The following MED13L variants were observed in gnomAD, a reference collection of about 807,000 sequenced individuals.
MED13L encodes mediator complex subunit 13L.
A neutral mutation model predicts 220.9 loss-of-function variants in MED13L; 7 were observed. The ratio of observed to expected loss-of-function variants is 0.03; its 90% CI spans 0.02 to 0.06. The LOEUF is 0.06. MED13L is among the 10% of genes least tolerant of loss of function. The pLI is 1.00. For missense variants in MED13L, 1,965 were observed against 2,760.5 expected, an observed-to-expected ratio of 0.71 and a Z score of 6.46; for synonymous variants, 1,011 against 1,015.2, an observed-to-expected ratio of 1.00 and a Z score of 0.08.
At chr12:116,120,361 T>C (rs947277786) in intron 2 of MED13L, among the ~76,000 whole-genome samples, 3 of 152,066 alleles carry the variant, frequency 2.0e-5, no homozygotes, top group African/African-American at 4.8e-5. Context: ...CTAAAATTAA[T>C]GTGTTCTAGT....
At chr12:116,276,636 C>CAGCT in intron 1 of MED13L, 1 of 1,195,656 alleles carries the variant, frequency 8.4e-7, no homozygotes, top group South Asian at 1.5e-5. Flanking sequence ...GGCGGGCAGG[C>CAGCT]AGCTGATCCA....
In MED13L at chr12:115,983,346, T is replaced by G; in HGVS notation, c.4726A>C (p.Ser1576Arg). ...ACAGAGGAACCAGATGCAGAACTAC[T>G]TGCTGCAGGATTTGTAGAACTACTA... ...SNSSSTNPAA[S>R]SSASGSSVPP... Residue 1576 changes from serine to arginine, a missense_variant, in exon 21 of 31, where the codon AGT becomes CGT. Around this residue, in one of 10 missense-constraint regions of MED13L, gnomAD observed 510 missense variants for 620.4 expected, o/e 0.82. Coordinates refer to ENST00000281928, the MANE Select transcript of MED13L (RefSeq NM_015335.5). 6.2e-7 allele frequency: 1 copy of G among 1,614,178 alleles called. No individual in the cohort carries two copies. The highest frequency in any genetic ancestry group is 2.2e-5 in the East Asian group (1 of 44,878).
intron 2 of MED13L, among the ~76,000 whole-genome samples, chr12:116,224,641 C>T (rs1186390627): frequency 6.6e-6 from 1 of 152,090 alleles, no homozygotes; most frequent in Non-Finnish European, 1.5e-5. Context: ...ACAATGGTAA[C>T]ACCTTACCGT....
intron 2 of MED13L, among the ~76,000 whole-genome samples, chr12:116,130,382 A>G (rs943229711): frequency 6.6e-6 from 1 of 152,218 alleles, no homozygotes; most frequent in Non-Finnish European, 1.5e-5. Context: ...TAGGAGGGGA[A>G]AGAAAAGCTG....
rs1240176016 is a variant in MED13L, at chr12:116,048,038, T to G, written c.480-25437A>C. On this transcript the variant is annotated intron_variant, in intron 4 of 30. Transcript: ENST00000281928. ...CAAAGATCAAAGATATATGTTACTTTTTTTTTTTTTGAGACAAGTTGAAAA... is the reference window on the plus strand; with the variant it reads ...CAAAGATCAAAGATATATGTTACTTGTTTTTTTTTTGAGACAAGTTGAAAA... Among the ~76,000 whole-genome samples the G allele has an allele frequency of 5.9e-5, 9 of 151,686 alleles. No individual in the cohort carries two copies. The East Asian group carries it at 1.7e-3, about 29-fold the overall frequency.
At chr12:116,141,519 A>T (rs1210314024) in intron 2 of MED13L, among the ~76,000 whole-genome samples, 1 of 152,202 alleles carries the variant, frequency 6.6e-6, no homozygotes, top group Non-Finnish European at 1.5e-5. Flanking sequence ...GAGCAGTGCC[A>T]AAGTGTTGGC....
At chr12:116,087,106 A>C (rs1339216776) in intron 4 of MED13L, among the ~76,000 whole-genome samples, 2 of 152,228 alleles carry the variant, frequency 1.3e-5, no homozygotes, top group Non-Finnish European at 2.9e-5. Flanking sequence ...ACAAGAAATT[A>C]CCAACATCAT....
At chr12:116,051,123 GATT>G (rs1217387809) in intron 4 of MED13L, among the ~76,000 whole-genome samples, 3 of 151,946 alleles carry the variant, frequency 2.0e-5, no homozygotes, top group Non-Finnish European at 2.9e-5. Flanking sequence ...GTTGTTTATA[GATT>G]ATCATACATC....
intron 4 of MED13L, among the ~76,000 whole-genome samples, chr12:116,047,251 G>A (rs1881895195): frequency 6.6e-6 from 1 of 152,156 alleles, no homozygotes; most frequent in South Asian, 2.1e-4. Flanking sequence ...CTACTTGGGA[G>A]GCTGAGGTGA....
intron 2 of MED13L, among the ~76,000 whole-genome samples, chr12:116,162,828 A>T (rs2138143765): frequency 6.6e-6 from 1 of 152,348 alleles, no homozygotes; most frequent in East Asian, 1.9e-4. Flanking sequence ...ACTACGTCTT[A>T]ACATTTTAAA....
At chr12:116,017,895 C>A (rs557218581) in intron 7 of MED13L, among the ~76,000 whole-genome samples, 1 of 151,998 alleles carries the variant, frequency 6.6e-6, no homozygotes, top group African/African-American at 2.4e-5. Flanking sequence ...GGATTACAGG[C>A]ATGAGCCATC....
chr12:116,121,618 C>G (rs552360673), intron 2 of MED13L, among the ~76,000 whole-genome samples: 1 of 152,090 alleles, frequency 6.6e-6, no homozygotes, highest in Non-Finnish European at 1.5e-5. Flanking sequence ...GGTCACCCAG[C>G]CTTACACAGT....
intron 1 of MED13L, among the ~76,000 whole-genome samples, chr12:116,275,918 T>C (rs904283867): frequency 2.6e-5 from 4 of 152,248 alleles, no homozygotes; most frequent in African/African-American, 9.6e-5. Flanking sequence ...CCTGGGCACA[T>C]AGCTATACAT....
At chr12:116,104,470 A>T (rs1393323199) in intron 3 of MED13L, among the ~76,000 whole-genome samples, 1 of 152,164 alleles carries the variant, frequency 6.6e-6, no homozygotes, top group Non-Finnish European at 1.5e-5. Context: ...AAATATCTTA[A>T]CTCTAAACAC....
At chr12:116,084,263 C>T (rs887019361) in intron 4 of MED13L, among the ~76,000 whole-genome samples, 6 of 152,138 alleles carry the variant, frequency 3.9e-5, no homozygotes, top group African/African-American at 1.4e-4. Flanking sequence ...CCTTTTTGAA[C>T]CTACAAAACA....
chr12:116,096,354 CAAAAAAAAAAAAA>C (rs537207957), intron 4 of MED13L, among the ~76,000 whole-genome samples: 4 of 23,570 alleles, frequency 1.7e-4, no homozygotes, highest in Admixed American at 8.1e-4. Context: ...GACACAGCCT[CAAAAAAAAAAAAA>C]AAAAAAAAAA....
intron 2 of MED13L, among the ~76,000 whole-genome samples, chr12:116,216,892 C>T (rs1327656775): frequency 2.0e-5 from 3 of 152,130 alleles, no homozygotes; most frequent in Non-Finnish European, 4.4e-5. Context: ...AATCCCATAT[C>T]AATGTACAAA....
chr12:116,034,277 AT>A (rs1193755924), intron 4 of MED13L, among the ~76,000 whole-genome samples: 4 of 152,084 alleles, frequency 2.6e-5, no homozygotes, highest in African/African-American at 4.8e-5. Flanking sequence ...GGTGCTTGCC[AT>A]AGGTAGATGC....
chr12:116,085,766 AC>A (rs1871624694), intron 4 of MED13L, among the ~76,000 whole-genome samples: 1 of 151,488 alleles, frequency 6.6e-6, no homozygotes, highest in African/African-American at 2.4e-5. Flanking sequence ...ACACACACAC[AC>A]ACACACACAC....
Sources: allele counts gnomAD v4.1 joint callset (sites outside exome capture counted in the v4.1 genomes callset), GRCh38; gene constraint gnomAD v4.1.1; regional missense constraint gnomAD v4.1.1; transcripts MANE v1.5; gene names NCBI Gene and HGNC (gene_info 2026-07-23, HGNC 2026-07-21).